PAMR1: variants seen among roughly 807,000 people sequenced by gnomAD.
The protein encoded by PAMR1 is inactive serine protease PAMR1.
PAMR1 carries 88 observed loss-of-function variants against 81.8 expected under a neutral mutation model. That is an observed-to-expected ratio of 1.08 (90% CI 0.91 to 1.28). The LOEUF is 1.28. PAMR1 is among the 50% of genes most tolerant of loss of function. The pLI, the probability that PAMR1 is intolerant of heterozygous loss-of-function variation, is 0.00. For synonymous variants in PAMR1, 336 were observed against 345.3 expected (o/e 0.97, Z 0.30); for missense variants, 935 against 919.7 (o/e 1.02, Z -0.21).
At chr11:35,508,115 G>A (rs1851004905) in intron 1 of PAMR1, among the ~76,000 whole-genome samples, 1 of 152,160 alleles carries the variant, frequency 6.6e-6, no homozygotes, top group Admixed American at 6.5e-5. Flanking sequence ...TCTTGCTGTT[G>A]CCAGGGGTAT....
chr11:35,475,677 G>T (rs185735468), intron 3 of PAMR1, among the ~76,000 whole-genome samples: 1 of 152,264 alleles, frequency 6.6e-6, no homozygotes, highest in East Asian at 1.9e-4. Context: ...CTACCTGGGG[G>T]TTGCACACTA....
intron 3 of PAMR1, among the ~76,000 whole-genome samples, chr11:35,481,628 T>C (rs975805421): frequency 6.6e-6 from 1 of 152,140 alleles, no homozygotes; most frequent in Non-Finnish European, 1.5e-5. Flanking sequence ...GTTCAAACAA[T>C]TTTCCTGCCT....
At chr11:35,433,950 G>A (rs1024118313) in intron 10 of PAMR1, among the ~76,000 whole-genome samples, 8 of 152,168 alleles carry the variant, frequency 5.3e-5, no homozygotes, top group Admixed American at 5.2e-4. Context: ...GACATATATT[G>A]TAAATTTGTT....
intron 6 of PAMR1, among the ~76,000 whole-genome samples, 166 bp from the exon 7 acceptor site, chr11:35,441,859 T>G (rs867169897): frequency 2.0e-5 from 3 of 152,202 alleles, no homozygotes; most frequent in Non-Finnish European, 2.9e-5. Context: ...GTACTAGACA[T>G]GTATTTCCCC....
At chr11:35,512,525 G>C (rs926866407) in intron 1 of PAMR1, among the ~76,000 whole-genome samples, 3 of 152,198 alleles carry the variant, frequency 2.0e-5, no homozygotes, top group African/African-American at 7.2e-5. Flanking sequence ...GAAGAAAGCA[G>C]CATTGGTGAG....
chr11:35,464,976 AG>A (rs1339830869), intron 6 of PAMR1, among the ~76,000 whole-genome samples: 2 of 152,224 alleles, frequency 1.3e-5, no homozygotes, highest in African/African-American at 4.8e-5. Flanking sequence ...AAGTCCTTTA[AG>A]AGGACTCGCT....
At position 35,442,589 on chromosome 11, in the gene PAMR1, CTTTTTTT is replaced by C. The variant is rs561367260; in HGVS notation, c.821-903_821-897del. ...TATCAGCCTCCCTACTTTCTTTTTT[CTTTTTTT>C]TTCTTTTTCTTTTTTTATTTATTTA... is the stretch of plus-strand genomic sequence containing the variant. On this transcript the variant is annotated intron_variant, in intron 6 of 10. Coordinates refer to ENST00000619888, the MANE Select transcript of PAMR1 (RefSeq NM_001001991.3). Among the ~76,000 whole-genome samples, 207 of 151,122 alleles carry C rather than the reference CTTTTTTT, an allele frequency of 1.4e-3. No individual in the cohort carries two copies. The South Asian group carries it at 0.02, about 15-fold the overall frequency.
intron 1 of PAMR1, among the ~76,000 whole-genome samples, chr11:35,522,869 A>T (rs1851308256): frequency 1.3e-5 from 2 of 152,262 alleles, no homozygotes; most frequent in South Asian, 4.1e-4. Context: ...GAATTAATGC[A>T]TATGAAGCCT....
At chr11:35,525,467 C>A in intron 1 of PAMR1, 46 bp downstream of exon 1, 1 of 1,527,984 alleles carries the variant, frequency 6.5e-7, no homozygotes, top group Non-Finnish European at 9.0e-7. Flanking sequence ...AAAATGCTCC[C>A]TCCTAGGGTG....
chr11:35,487,387 C>T (rs1820085196), intron 3 of PAMR1, among the ~76,000 whole-genome samples: 1 of 152,142 alleles, frequency 6.6e-6, no homozygotes, highest in African/African-American at 2.4e-5. Context: ...CTCTACCAGG[C>T]TCTTTCTGAT....
In PAMR1 at chr11:35,471,255, T is replaced by C. The variant is rs549598564; in HGVS notation, c.495-437A>G. Among the ~76,000 whole-genome samples, 12 of 152,322 alleles carry C rather than the reference T, an allele frequency of 7.9e-5. No individual in the cohort carries two copies. In the South Asian group the frequency reaches 2.3e-3, roughly 29 times the overall value. ...TGTAGACATAAATTTCAACCTCTTATATTTACCTCCTTGACTTTTTGTGTG... is the reference window on the plus strand; with the variant it reads ...TGTAGACATAAATTTCAACCTCTTACATTTACCTCCTTGACTTTTTGTGTG... On this transcript the variant is annotated intron_variant, in intron 4 of 10. Coordinates refer to ENST00000619888, the MANE Select transcript of PAMR1 (RefSeq NM_001001991.3).
chr11:35,464,050 T>C (rs1021035586), intron 6 of PAMR1, among the ~76,000 whole-genome samples: 1 of 152,192 alleles, frequency 6.6e-6, no homozygotes, highest in Non-Finnish European at 1.5e-5. Flanking sequence ...CCAAAACCTT[T>C]TAGTGACCAC....
intron 6 of PAMR1, among the ~76,000 whole-genome samples, chr11:35,459,868 C>A (rs1856614720): frequency 6.6e-6 from 1 of 152,224 alleles, no homozygotes; most frequent in South Asian, 2.1e-4. Flanking sequence ...TGCCTTATTT[C>A]CCCAGTGCCT....
intron 1 of PAMR1, among the ~76,000 whole-genome samples, chr11:35,505,429 A>G (rs1850931811): frequency 3.3e-5 from 5 of 152,108 alleles, no homozygotes. Context: ...CATTGCAGGG[A>G]GTAGGGTGTT....
At chr11:35,492,194 G>T in intron 2 of PAMR1, 21 bp from the exon 3 acceptor site, 1 of 1,613,618 alleles carries the variant, frequency 6.2e-7, no homozygotes, top group Non-Finnish European at 8.5e-7. Context: ...CCCAAGAAGA[G>T]GAGTGTTAGG....
chr11:35,519,731 A>C lies in PAMR1; in HGVS notation c.73+5782T>G, dbSNP rs1053268951. Among the ~76,000 whole-genome samples the C allele has an allele frequency of 3.9e-5, 6 of 152,210 alleles. No homozygotes were observed. The South Asian group carries it at 1.2e-3, about 32-fold the overall frequency. ...CACAGAGGTGAGAACATGACTTGAC[A>C]CAGGCCAATCTGGGCACTTGGGATG... On this transcript the variant is annotated intron_variant, in intron 1 of 10. Coordinates refer to ENST00000619888, the MANE Select transcript of PAMR1 (RefSeq NM_001001991.3).
intron 1 of PAMR1, among the ~76,000 whole-genome samples, chr11:35,500,002 T>C (rs1198549154): frequency 1.3e-5 from 2 of 152,182 alleles, no homozygotes; most frequent in Non-Finnish European, 1.5e-5. Context: ...ACTTTGAAGA[T>C]GGACTGTAGA....
intron 6 of PAMR1, among the ~76,000 whole-genome samples, chr11:35,454,395 G>A (rs920688778): frequency 2.0e-5 from 3 of 152,204 alleles, no homozygotes; most frequent in Non-Finnish European, 2.9e-5. Context: ...CCCAAACAGT[G>A]TTCCTGGAGG....
intron 6 of PAMR1, among the ~76,000 whole-genome samples, chr11:35,441,991 C>T (rs989873926): frequency 2.0e-5 from 3 of 152,082 alleles, no homozygotes; most frequent in Non-Finnish European, 4.4e-5. Flanking sequence ...ACTAGGCAGC[C>T]CTGAGTAAAA....
Sources: allele counts gnomAD v4.1 joint callset (sites outside exome capture counted in the v4.1 genomes callset), GRCh38; gene constraint gnomAD v4.1.1; transcripts MANE v1.5; gene names NCBI Gene and HGNC (gene_info 2026-07-23, HGNC 2026-07-21).